Variants in EPB41L5 observed in about 807,000 individuals in gnomAD.
EPB41L5 encodes the protein band 4.1-like protein 5.
A neutral mutation model predicts 106.6 loss-of-function variants in EPB41L5; 55 were observed. That is an observed-to-expected ratio of 0.52 (90% CI 0.42 to 0.65). The LOEUF is 0.65. EPB41L5 is among the 30% of genes least tolerant of loss of function. EPB41L5 has a pLI of 0.00. For missense variants in EPB41L5, 871 were observed against 882.1 expected (o/e 0.99, Z 0.16); for synonymous variants, 297 against 306.7 (o/e 0.97, Z 0.33).
intron 21 of EPB41L5, among the ~76,000 whole-genome samples, chr2:120,164,426 G>C (rs1360484619): frequency 6.6e-6 from 1 of 151,956 alleles, no homozygotes; most frequent in Non-Finnish European, 1.5e-5. Context: ...TGCCCAGGCT[G>C]GTCTCAAACT....
At chr2:120,050,069 T>C (rs1474421867) in intron 3 of EPB41L5, among the ~76,000 whole-genome samples, 10 of 152,098 alleles carry the variant, frequency 6.6e-5, no homozygotes, top group South Asian at 4.1e-4. Flanking sequence ...GTGGGTAACC[T>C]GACCTTTCTC....
In EPB41L5 at chr2:120,174,948, C is replaced by T. The variant is rs1297252873; in HGVS notation, c.*41C>T. 5.7e-6 allele frequency: 9 copies of T among 1,572,654 alleles called. No homozygotes were observed. The highest frequency in any genetic ancestry group is 1.7e-5 in the Admixed American group (1 of 59,998). ...ATACGCATCTCTCCAGCATTCCGTC[C>T]TGGGATCCGTTTCAGCTAGAATATG... On this transcript the variant is annotated 3_prime_UTR_variant, in exon 25 of 25. Coordinates refer to ENST00000263713, the MANE Select transcript of EPB41L5 (RefSeq NM_020909.4).
chr2:120,018,615 C>G (rs901181362), intron 1 of EPB41L5, among the ~76,000 whole-genome samples: 1 of 148,416 alleles, frequency 6.7e-6, no homozygotes, highest in Non-Finnish European at 1.5e-5. Flanking sequence ...TTTTTTTTTT[C>G]AAATTTACTT....
chr2:120,174,560 C>G (rs527615140), intron 24 of EPB41L5, among the ~76,000 whole-genome samples: 1 of 152,048 alleles, frequency 6.6e-6, no homozygotes, highest in Non-Finnish European at 1.5e-5. Context: ...CATACTAACC[C>G]TGACTCATTA....
chr2:120,035,348 C>T (rs1180773237), intron 2 of EPB41L5, among the ~76,000 whole-genome samples: 5 of 152,188 alleles, frequency 3.3e-5, no homozygotes, highest in African/African-American at 1.2e-4. Context: ...ATCCTCCTGC[C>T]TTGGCTTCCC....
At chr2:120,164,132 G>A (rs1424418017) in intron 21 of EPB41L5, among the ~76,000 whole-genome samples, 16 of 151,468 alleles carry the variant, frequency 1.1e-4, no homozygotes, top group African/African-American at 3.2e-4. Context: ...ATAGGTGCCC[G>A]CAACCACGCC....
chr2:120,075,657 G>A, intron 6 of EPB41L5, 44 bp from the exon 7 acceptor site: 2 of 1,529,858 alleles, frequency 1.3e-6, no homozygotes, highest in Non-Finnish European at 1.8e-6. Flanking sequence ...TAAAATGAAG[G>A]TTATGAAATC....
intron 3 of EPB41L5, among the ~76,000 whole-genome samples, 183 bp from the exon 4 acceptor site, chr2:120,072,995 A>C (rs531653368): frequency 6.6e-6 from 1 of 150,732 alleles, no homozygotes; most frequent in Non-Finnish European, 1.5e-5. Flanking sequence ...TAAGCTTGCT[A>C]TGGTGGATAT....
intron 3 of EPB41L5, among the ~76,000 whole-genome samples, chr2:120,048,620 T>A (rs2105235928): frequency 6.6e-6 from 1 of 152,324 alleles, no homozygotes; most frequent in East Asian, 1.9e-4. Flanking sequence ...TTGATTGATT[T>A]TTTTGAAGGG....
At chr2:120,164,172 C>T (rs983569591) in intron 21 of EPB41L5, among the ~76,000 whole-genome samples, 7 of 151,364 alleles carry the variant, frequency 4.6e-5, no homozygotes, top group South Asian at 2.1e-4. Context: ...TTAGTAGAGA[C>T]GGAGTTTCAC....
intron 3 of EPB41L5, among the ~76,000 whole-genome samples, chr2:120,069,128 C>CAAAAAAAAAAAAAAAAAAAAAA (rs539813602): frequency 1.3e-5 from 1 of 79,568 alleles, no homozygotes; most frequent in African/African-American, 5.9e-5. Context: ...AACTCTGTCT[C>CAAAAAAAAAAAAAAAAAAAAAA]AAAAAAAAAA....
At chr2:120,131,780 C>G in intron 18 of EPB41L5, 65 bp downstream of exon 18, 1 of 1,201,678 alleles carries the variant, frequency 8.3e-7, no homozygotes, top group Non-Finnish European at 1.2e-6. Context: ...TATTTTCTTT[C>G]CAAAGACAGT....
rs577520132 is a variant in EPB41L5 at position 120,081,540 on chromosome 2, C to T, written c.803+2959C>T. On this transcript the variant is annotated intron_variant, in intron 10 of 24. Transcript: ENST00000263713. ...TGTAATATAGTTTGAAGTCAGGTAG[C>T]GTAATGCCTTCAGCTTTGTTCTTTT... is the stretch of plus-strand genomic sequence containing the variant. 7.4e-4 allele frequency among the ~76,000 whole-genome samples: 113 copies of T among 152,238 alleles called. 1 individual carries two copies. Among genetic ancestry groups the T allele is most frequent in the African/African-American group, 2.5e-3 (104 of 41,542 alleles).
At position 120,176,923 on chromosome 2, in the gene EPB41L5, G is replaced by A. The variant is rs1458750814; in HGVS notation, c.*2016G>A. The A allele has an allele frequency of 6.6e-6, 1 of 152,202 alleles. No homozygotes were observed. Among genetic ancestry groups the A allele is most frequent in the East Asian group, 1.9e-4 (1 of 5,204 alleles). 9.4% of individuals were successfully genotyped at this position (152,202 alleles called of 1,614,324 possible). A position where few individuals can be genotyped will look rare whatever the true frequency, so the allele number is the denominator to read the frequency against. ...GTGACCTTTATGTCGTTGGATACCT[G>A]TATTCTTGACAGTTAGAATATTGGT... On this transcript the variant is annotated 3_prime_UTR_variant, in exon 25 of 25. Transcript: ENST00000263713.
intron 16 of EPB41L5, among the ~76,000 whole-genome samples, chr2:120,119,815 G>A (rs933192404): frequency 2.6e-5 from 4 of 152,166 alleles, no homozygotes; most frequent in East Asian, 1.9e-4. Context: ...AATCAAATAC[G>A]TGTCTATTTG....
intron 3 of EPB41L5, among the ~76,000 whole-genome samples, chr2:120,050,991 ATG>A (rs1487384880): frequency 6.6e-6 from 1 of 152,278 alleles, no homozygotes; most frequent in East Asian, 1.9e-4. Context: ...TGAACAGCAA[ATG>A]TTGCTGCCTG....
intron 18 of EPB41L5, among the ~76,000 whole-genome samples, chr2:120,137,794 A>G (rs991723322): frequency 6.6e-6 from 1 of 152,116 alleles, no homozygotes; most frequent in Non-Finnish European, 1.5e-5. Context: ...ACTAATACCT[A>G]TCCTACTCAA....
At chr2:120,087,042 C>T (rs1331882592) in intron 10 of EPB41L5, 129 bp from the exon 11 acceptor site, 10 of 564,804 alleles carry the variant, frequency 1.8e-5, no homozygotes, top group Admixed American at 1.3e-4. Context: ...TTGCAAGTTA[C>T]GTTTACCGTC....
chr2:120,096,722 G>A (rs1255787602), intron 14 of EPB41L5, among the ~76,000 whole-genome samples: 10 of 152,150 alleles, frequency 6.6e-5, no homozygotes, highest in Non-Finnish European at 8.8e-5. Flanking sequence ...CCCTGGAGTC[G>A]GAGGTTGCAC....
Sources: gnomAD v4.1 joint callset for allele counts (sites outside exome capture counted in the v4.1 genomes callset) on GRCh38, gnomAD v4.1.1 for gene constraint, MANE v1.5 for transcripts, NCBI Gene and HGNC (gene_info 2026-07-23, HGNC 2026-07-21) for gene names.